The following FRMD6 variants were observed in gnomAD, a reference collection of about 807,000 sequenced individuals.
The protein encoded by FRMD6 is FERM domain containing 6, also known as FERM domain-containing protein 6.
FRMD6 carries 37 observed loss-of-function variants against 73.2 expected under a neutral mutation model. The ratio of observed to expected loss-of-function variants is 0.51; its 90% CI spans 0.39 to 0.66. FRMD6 has a LOEUF of 0.66. FRMD6 is among the 30% of genes least tolerant of loss of function. FRMD6 has a pLI of 0.00. For missense variants in FRMD6, 714 were observed against 780.5 expected (o/e 0.91, Z 1.02); for synonymous variants, 273 against 282.2 (o/e 0.97, Z 0.33).
chr14:51,722,495 T>G (rs1487423934), intron 12 of FRMD6, among the ~76,000 whole-genome samples: 1 of 152,120 alleles, frequency 6.6e-6, no homozygotes, highest in East Asian at 1.9e-4. Context: ...TCCAGGTTTT[T>G]GGGGTTTTTT....
At chr14:51,553,145 C>T (rs772005743) in intron 1 of FRMD6, among the ~76,000 whole-genome samples, 1 of 152,198 alleles carries the variant, frequency 6.6e-6, no homozygotes, top group Non-Finnish European at 1.5e-5. Flanking sequence ...CATTTACCTC[C>T]TCTTGGAGCT....
intron 1 of FRMD6, among the ~76,000 whole-genome samples, chr14:51,660,566 G>T (rs569037839): frequency 1.3e-5 from 2 of 149,434 alleles, no homozygotes; most frequent in East Asian, 3.9e-4. Flanking sequence ...CCTAGGATAT[G>T]CCAGGCACTG....
chr14:51,584,724 C>G (rs758146437), intron 2 of FRMD6, among the ~76,000 whole-genome samples: 6 of 151,776 alleles, frequency 4.0e-5, no homozygotes, highest in Admixed American at 1.3e-4. Flanking sequence ...TCCATCCTGG[C>G]CTTTCCTTTT....
the FRMD6 span, among the ~76,000 whole-genome samples, chr14:51,425,808 T>C: frequency 6.6e-6 from 1 of 152,250 alleles, no homozygotes; most frequent in Non-Finnish European, 1.5e-5. Flanking sequence ...CACTTCCAAC[T>C]ACACTTGTAA....
chr14:51,562,428 C>T (rs1337242533), intron 1 of FRMD6, among the ~76,000 whole-genome samples: 1 of 152,042 alleles, frequency 6.6e-6, no homozygotes, highest in Non-Finnish European at 1.5e-5. Flanking sequence ...TCAAGCTGGC[C>T]CAGGTATATA....
intron 1 of FRMD6, among the ~76,000 whole-genome samples, chr14:51,551,898 CTATT>C (rs1302844216): frequency 1.3e-5 from 2 of 152,036 alleles, no homozygotes; most frequent in African/African-American, 4.8e-5. Context: ...TGGCCTCTAA[CTATT>C]CCATGTTTTC....
At chr14:51,497,180 T>C (rs1222107900) in intron 1 of FRMD6, among the ~76,000 whole-genome samples, 1 of 152,072 alleles carries the variant, frequency 6.6e-6, no homozygotes. Flanking sequence ...GATTAGAATC[T>C]GGCTCTACTC....
intron 2 of FRMD6, among the ~76,000 whole-genome samples, chr14:51,593,961 G>C (rs2139752063): frequency 1.3e-5 from 2 of 152,088 alleles, no homozygotes; most frequent in Middle Eastern, 3.4e-3. Context: ...TGAAGCAAAA[G>C]TAAGACCAAA....
chr14:51,680,967 C>T (rs1172400850), intron 1 of FRMD6, among the ~76,000 whole-genome samples: 3 of 152,062 alleles, frequency 2.0e-5, no homozygotes, highest in African/African-American at 7.2e-5. Context: ...ACTCTTACTA[C>T]AAAAAAAGCC....
intron 2 of FRMD6, among the ~76,000 whole-genome samples, chr14:51,645,677 T>C (rs1429273031): frequency 6.6e-6 from 1 of 152,094 alleles, no homozygotes; most frequent in Non-Finnish European, 1.5e-5. Flanking sequence ...CTCGAACTCC[T>C]GGGCTCAAGC....
chr14:51,463,328 C>T, the FRMD6 span, among the ~76,000 whole-genome samples: 1 of 152,156 alleles, frequency 6.6e-6, no homozygotes, highest in Admixed American at 6.5e-5. Context: ...CTATGCACAT[C>T]CTCCCATATG....
chr14:51,461,096 T>C, the FRMD6 span, among the ~76,000 whole-genome samples: 4 of 152,234 alleles, frequency 2.6e-5, no homozygotes, highest in African/African-American at 9.6e-5. Flanking sequence ...TACAGACATG[T>C]GTACTTGAGT....
At position 51,722,533 on chromosome 14, in the gene FRMD6, A is replaced by G. The variant is rs188914574; in HGVS notation, c.1492+453A>G. On this transcript the variant is annotated intron_variant, in intron 12 of 13. Coordinates refer to ENST00000344768, the MANE Select transcript of FRMD6 (RefSeq NM_001267046.2). ...TTTTTTGTTTTTCCCACTGTGTTAT[A>G]CTGGTAGAGGAGTCTGGGAGGAAAA... Among the ~76,000 whole-genome samples the G allele has an allele frequency of 5.8e-4, 89 of 152,220 alleles. 1 individual carries two copies. Among genetic ancestry groups the G allele is most frequent in the African/African-American group, 2.0e-3 (85 of 41,526 alleles).
chr14:51,682,488 G>A (rs1894868941), intron 1 of FRMD6, among the ~76,000 whole-genome samples: 1 of 151,964 alleles, frequency 6.6e-6, no homozygotes, highest in South Asian at 2.1e-4. Context: ...GTATTAGAGA[G>A]GACTTACTCT....
chr14:51,559,304 T>C (rs1887338820), intron 1 of FRMD6, among the ~76,000 whole-genome samples: 1 of 152,204 alleles, frequency 6.6e-6, no homozygotes, highest in African/African-American at 2.4e-5. Context: ...ATTTTTGCCT[T>C]CTTCTGCAAG....
chr14:51,498,619 A>G (rs1031435371), intron 1 of FRMD6, among the ~76,000 whole-genome samples: 4 of 152,146 alleles, frequency 2.6e-5, no homozygotes, highest in African/African-American at 4.8e-5. Context: ...CTCTCTGTCC[A>G]TCTGCTCTTT....
At chr14:51,575,360 G>A (rs1476083329) in intron 2 of FRMD6, among the ~76,000 whole-genome samples, 1 of 152,210 alleles carries the variant, frequency 6.6e-6, no homozygotes, top group Non-Finnish European at 1.5e-5. Context: ...TGAATATAAA[G>A]AGAGCCTTGT....
the FRMD6 span, among the ~76,000 whole-genome samples, chr14:51,399,635 G>A: frequency 6.6e-6 from 1 of 152,172 alleles, no homozygotes; most frequent in East Asian, 1.9e-4. Context: ...AGGCTTAGCA[G>A]TACCTCCTCT....
chr14:51,694,791 C>T (rs557071248), intron 2 of FRMD6, among the ~76,000 whole-genome samples: 2 of 152,236 alleles, frequency 1.3e-5, no homozygotes, highest in African/African-American at 2.4e-5. Context: ...ATTCCCATTG[C>T]TCCTGAAGAT....
Sources: gnomAD v4.1 joint callset for allele counts (sites outside exome capture counted in the v4.1 genomes callset) on GRCh38, gnomAD v4.1.1 for gene constraint, MANE v1.5 for transcripts, NCBI Gene and HGNC (gene_info 2026-07-23, HGNC 2026-07-21) for gene names.